The following ADAMTS19 variants were observed in gnomAD, a reference collection of about 807,000 sequenced individuals.
ADAMTS19 encodes the protein A disintegrin and metalloproteinase with thrombospondin motifs 19.
A neutral mutation model predicts 153.3 loss-of-function variants in ADAMTS19; 93 were observed. The observed-to-expected ratio is 0.61, with a 90% CI of 0.51 to 0.72. The LOEUF (loss-of-function observed/expected upper bound fraction) is 0.72, where lower values mean the gene tolerates loss of function less well. ADAMTS19 is among the 30% of genes least tolerant of loss of function. ADAMTS19 has a pLI of 0.00. For missense variants in ADAMTS19, 1,482 were observed against 1,552.1 expected, an observed-to-expected ratio of 0.95 and a Z score of 0.76; for synonymous variants, 600 against 556.6, an observed-to-expected ratio of 1.08 and a Z score of -1.10.
At chr5:129,687,224 TG>T (rs1561649591) in intron 18 of ADAMTS19, among the ~76,000 whole-genome samples, 1 of 152,120 alleles carries the variant, frequency 6.6e-6, no homozygotes, top group South Asian at 2.1e-4. Context: ...ATCTTGTGGT[TG>T]GGGGGCAGGC....
At position 129,694,782 on chromosome 5, in the gene ADAMTS19, A is replaced by C. The variant is rs1384710838; in HGVS notation, c.2881A>C (p.Asn961His). ...GAGCAAAAATATCAGCATTGTGGAC[A>C]ATGAGAAATGCAAATACTTAACCAA... ...IMSKNISIVD[N>H]EKCKYLTKPE... Residue 961 changes from asparagine to histidine, a missense_variant, in exon 19 of 23, where the codon AAT becomes CAT. Physicochemically the swap from Asn to His is moderately conservative, Grantham distance 68. Around this residue, in one of 2 missense-constraint regions of ADAMTS19, gnomAD observed 616 missense variants for 724.4 expected, o/e 0.85. Transcript: ENST00000274487. 6.2e-7 allele frequency: 1 copy of C among 1,610,752 alleles called. No homozygotes were observed. Among genetic ancestry groups the C allele is most frequent in the East Asian group, 2.2e-5 (1 of 44,748 alleles).
chr5:129,512,792 C>T (rs959567834), intron 3 of ADAMTS19, among the ~76,000 whole-genome samples: 5 of 152,084 alleles, frequency 3.3e-5, no homozygotes, highest in Non-Finnish European at 7.4e-5. Context: ...CTATCCCCCT[C>T]ATTTTATAAA....
intron 3 of ADAMTS19, among the ~76,000 whole-genome samples, chr5:129,512,506 G>C (rs1751475419): frequency 6.6e-6 from 1 of 152,092 alleles, no homozygotes; most frequent in Non-Finnish European, 1.5e-5. Context: ...ACATCAAAGA[G>C]AGCAACTTAA....
intron 8 of ADAMTS19, among the ~76,000 whole-genome samples, chr5:129,611,421 G>T (rs1174210147): frequency 1.3e-5 from 2 of 152,090 alleles, no homozygotes; most frequent in Non-Finnish European, 1.5e-5. Flanking sequence ...TATGGTTTTA[G>T]GTTTAACATT....
In ADAMTS19 at chr5:129,654,318, C is replaced by T. The variant is rs1753446894; in HGVS notation, c.2189C>T (p.Ala730Val). ...QAVLDEEKPC[A>V]LFCSPVGKEQ... is the part of the protein sequence containing the mutation. ...ACTCTGTATGTAGAAAAACCATGTG[C>T]CTTGTTTTGCTCTCCTGTTGGAAAA... Residue 730 changes from alanine (A) to valine (V), a missense_variant, in exon 14 of 23, where the codon GCC (alanine) becomes GTC (valine). By Grantham distance (64) the Ala-to-Val change is moderately conservative. Transcript: ENST00000274487. 1.9e-6 allele frequency: 3 copies of T among 1,609,760 alleles called. No homozygotes were observed. Among genetic ancestry groups the T allele is most frequent in the Non-Finnish European group, 2.5e-6 (3 of 1,178,962 alleles).
intron 7 of ADAMTS19, among the ~76,000 whole-genome samples, chr5:129,573,562 C>T (rs530237989): frequency 7.2e-5 from 11 of 152,040 alleles, no homozygotes; most frequent in South Asian, 2.1e-4. Context: ...CTATATATTT[C>T]GGAATAGAAG....
chr5:129,674,226 C>G (rs1038203832), intron 16 of ADAMTS19, among the ~76,000 whole-genome samples: 1 of 70,754 alleles, frequency 1.4e-5, no homozygotes, highest in African/African-American at 3.9e-5. Flanking sequence ...AGCGAAACTC[C>G]ATCTCAAAAA....
At chr5:129,564,269 G>A (rs757025207) in intron 7 of ADAMTS19, among the ~76,000 whole-genome samples, 2 of 152,086 alleles carry the variant, frequency 1.3e-5, no homozygotes, top group African/African-American at 4.8e-5. Flanking sequence ...AGAGAACCCA[G>A]TCACGCCCAC....
rs763924341 is a variant in ADAMTS19 at position 129,461,632 on chromosome 5, G to GGCCCCA, written c.623_628dup (p.Pro209_Thr210insSerPro). 7 of 1,593,628 alleles carry GGCCCCA rather than the reference G, an allele frequency of 4.4e-6. No homozygotes were observed. In the East Asian group the frequency reaches 1.6e-4, roughly 37 times the overall value. The stretch of plus-strand genomic sequence containing the variant: ...GGAACAGCGGCCAAATCCCGGCCCC[G>GGCCCCA]GCCCCACGGGGGCAGCATCCGCCCC... On this transcript the variant is annotated inframe_insertion, in exon 2 of 23. Transcript: ENST00000274487. This position sits in a 1 kb window ranked among gnomAD's most constrained non-coding sequence, Gnocchi z 4.6.
rs774415860 is a variant in ADAMTS19, at chr5:129,738,514, C to T, written c.*1296C>T. On this transcript the variant is annotated 3_prime_UTR_variant, in exon 23 of 23. Transcript: ENST00000274487. ...CTTCTCATTATAAAAGTTTCAGGTT[C>T]CCTAAAATTGGGGTTTCTTTACTAT... The T allele has an allele frequency of 6.6e-6, 1 of 151,986 alleles. No homozygotes were observed. Among genetic ancestry groups the T allele is most frequent in the Non-Finnish European group, 1.5e-5 (1 of 67,986 alleles). The allele number at this position is 151,986 out of a possible 1,614,324, so 9.4% of individuals were successfully genotyped here. A position where few individuals can be genotyped will look rare whatever the true frequency, so the allele number is the denominator to read the frequency against.
At chr5:129,691,013 C>A (rs1247827132) in intron 18 of ADAMTS19, among the ~76,000 whole-genome samples, 5 of 151,990 alleles carry the variant, frequency 3.3e-5, no homozygotes, top group African/African-American at 1.2e-4. Flanking sequence ...AATGCAAGTT[C>A]TAGTAATGTG....
At chr5:129,561,153 A>ACACTATTTTTATTCTCACT (rs1753498915) in intron 7 of ADAMTS19, among the ~76,000 whole-genome samples, 1 of 152,222 alleles carries the variant, frequency 6.6e-6, no homozygotes, top group South Asian at 2.1e-4. Flanking sequence ...GAACAATAAA[A>ACACTATTTTTATTCTCACT]ATAGTGAGAA....
chr5:129,581,409 C>T (rs1321131207), intron 7 of ADAMTS19, among the ~76,000 whole-genome samples: 3 of 151,906 alleles, frequency 2.0e-5, no homozygotes. Context: ...ATAGTATTCT[C>T]TGATGGTAGT....
intron 6 of ADAMTS19, among the ~76,000 whole-genome samples, chr5:129,545,232 A>G (rs762765231): frequency 6.6e-6 from 1 of 152,182 alleles, no homozygotes; most frequent in African/African-American, 2.4e-5. Context: ...ATGAAAATAA[A>G]TGTTCTCAGG....
chr5:129,694,903 G>C, intron 19 of ADAMTS19, 48 bp downstream of exon 19: 1 of 1,437,724 alleles, frequency 7.0e-7, no homozygotes, highest in Non-Finnish European at 9.3e-7. Flanking sequence ...CCATTAGATT[G>C]CTGTCCTTTA....
intron 16 of ADAMTS19, among the ~76,000 whole-genome samples, chr5:129,669,094 A>G (rs1484629846): frequency 2.0e-5 from 3 of 151,956 alleles, no homozygotes; most frequent in Admixed American, 6.6e-5. Flanking sequence ...ATGTGTATAT[A>G]TATATATATT....
chr5:129,695,992 G>A (rs1755534185), intron 19 of ADAMTS19, among the ~76,000 whole-genome samples: 1 of 152,150 alleles, frequency 6.6e-6, no homozygotes, highest in Non-Finnish European at 1.5e-5. Context: ...CAAAGAGTAG[G>A]TATGGGGGAG....
chr5:129,462,186 TCTTAGAG>T (rs1296725462), intron 2 of ADAMTS19, among the ~76,000 whole-genome samples: 1 of 152,190 alleles, frequency 6.6e-6, no homozygotes, highest in Non-Finnish European at 1.5e-5. Flanking sequence ...TCATCTGTTA[TCTTAGAG>T]CTTTTTCATA....
At chr5:129,584,888 C>T (rs146774768) in intron 7 of ADAMTS19, among the ~76,000 whole-genome samples, 118 of 152,248 alleles carry the variant, frequency 7.8e-4, no homozygotes, top group African/African-American at 2.5e-3. Flanking sequence ...GCTTCAGCCC[C>T]CTTTCCAGGG....
Sources: gnomAD v4.1 joint callset for allele counts (sites outside exome capture counted in the v4.1 genomes callset) on GRCh38, gnomAD v4.1.1 for gene constraint, gnomAD v4.1.1 regional missense constraint, Gnocchi (gnomAD v3.1) non-coding constraint, MANE v1.5 for transcripts, NCBI Gene and HGNC (gene_info 2026-07-23, HGNC 2026-07-21) for gene names.